Variants in TYW1B observed in about 807,000 individuals in gnomAD.
TYW1B encodes tRNA-yW synthesizing protein 1 homolog B.
TYW1B carries 73 observed loss-of-function variants against 86.9 expected under a neutral mutation model. That is an observed-to-expected ratio of 0.84 (90% confidence interval 0.70 to 1.02). The LOEUF (loss-of-function observed/expected upper bound fraction) is 1.02. Ranked by LOEUF, TYW1B falls within the 50% of genes least tolerant of loss-of-function variation. The pLI is 0.00. For missense variants in TYW1B, 637 were observed against 827.4 expected (o/e 0.77, Z 2.82); for synonymous variants, 248 against 292.8 (o/e 0.85, Z 1.56).
At chr7:72,583,305 G>A (rs368237064) in intron 13 of TYW1B, among the ~76,000 whole-genome samples, 16 of 152,114 alleles carry the variant, frequency 1.1e-4, no homozygotes, top group African/African-American at 3.1e-4. Flanking sequence ...AGCCGAGATC[G>A]TGCCACTGCA....
intron 8 of TYW1B, among the ~76,000 whole-genome samples, chr7:72,742,274 C>T (rs1554462611): frequency 6.6e-6 from 1 of 152,128 alleles, no homozygotes; most frequent in East Asian, 1.9e-4. Flanking sequence ...GGACCTCAGA[C>T]ATGCACCACC....
chr7:72,809,152 C>T (rs1280757668), intron 4 of TYW1B, among the ~76,000 whole-genome samples: 1 of 151,158 alleles, frequency 6.6e-6, no homozygotes, highest in Admixed American at 6.6e-5. Flanking sequence ...ACGCCATTCT[C>T]CTGCCTCAGC....
intron 11 of TYW1B, among the ~76,000 whole-genome samples, chr7:72,667,887 A>T (rs35847426): frequency 6.6e-6 from 1 of 152,254 alleles, no homozygotes; most frequent in Non-Finnish European, 1.5e-5. Flanking sequence ...CCTTGTGGCT[A>T]GCCAGATCTT....
chr7:72,614,793 A>C (rs1554436546), intron 13 of TYW1B, among the ~76,000 whole-genome samples: 1 of 152,222 alleles, frequency 6.6e-6, no homozygotes, highest in African/African-American at 2.4e-5. Context: ...GCAATAACTG[A>C]ATCATGCTAT....
intron 5 of TYW1B, among the ~76,000 whole-genome samples, chr7:72,806,742 C>T (rs1307506474): frequency 6.6e-6 from 1 of 151,998 alleles, no homozygotes; most frequent in Non-Finnish European, 1.5e-5. Context: ...TCTCAAATTC[C>T]TGGGCTCAAG....
intron 8 of TYW1B, among the ~76,000 whole-genome samples, chr7:72,733,388 G>A (rs545221646): frequency 9.2e-5 from 14 of 152,296 alleles, no homozygotes; most frequent in African/African-American, 2.2e-4. Flanking sequence ...GGCCGGGCGC[G>A]GTGGCTCACG....
chr7:72,631,400 GCTA>G (rs1205014909), intron 11 of TYW1B, among the ~76,000 whole-genome samples: 22 of 152,088 alleles, frequency 1.4e-4, no homozygotes, highest in Non-Finnish European at 1.5e-4. Flanking sequence ...TGTAATCCAA[GCTA>G]CTTGGGAAGC....
intron 6 of TYW1B, among the ~76,000 whole-genome samples, chr7:72,793,327 ACTCCAT>A (rs1365440464): frequency 6.6e-6 from 1 of 151,832 alleles, no homozygotes; most frequent in African/African-American, 2.4e-5. Flanking sequence ...ACAGAGCAAG[ACTCCAT>A]CTCAAAAAAA....
chr7:72,661,703 T>A (rs1813333698), intron 11 of TYW1B, among the ~76,000 whole-genome samples: 2 of 151,940 alleles, frequency 1.3e-5, no homozygotes, highest in South Asian at 2.1e-4. Flanking sequence ...TTTAAAGAGC[T>A]TAATTCTTCA....
At chr7:72,806,775 T>C (rs530375634) in intron 5 of TYW1B, among the ~76,000 whole-genome samples, 1 of 152,076 alleles carries the variant, frequency 6.6e-6, no homozygotes, top group African/African-American at 2.4e-5. Flanking sequence ...CTCCACCTCC[T>C]ACGTAGCTGA....
At chr7:72,743,856 A>G (rs1273165048) in intron 8 of TYW1B, among the ~76,000 whole-genome samples, 6 of 151,736 alleles carry the variant, frequency 4.0e-5, no homozygotes, top group African/African-American at 2.4e-5. Flanking sequence ...AAAAAAAAAA[A>G]AAAGAAAGAA....
intron 11 of TYW1B, among the ~76,000 whole-genome samples, chr7:72,689,938 T>G (rs1411871490): frequency 6.6e-6 from 1 of 152,210 alleles, no homozygotes; most frequent in African/African-American, 2.4e-5. Context: ...ATTGGTTTAT[T>G]TAAATATTAG....
At chr7:72,749,920 T>G (rs1787470559) in intron 7 of TYW1B, among the ~76,000 whole-genome samples, 1 of 149,298 alleles carries the variant, frequency 6.7e-6, no homozygotes, top group East Asian at 1.9e-4. Context: ...TTGTTTTTTT[T>G]TTTTTTTTGA....
chr7:72,611,683 C>T (rs1811936906), intron 13 of TYW1B, among the ~76,000 whole-genome samples: 2 of 152,152 alleles, frequency 1.3e-5, no homozygotes, highest in African/African-American at 4.8e-5. Context: ...CCATTGTTTA[C>T]TCATCTTTGT....
At chr7:72,662,715 C>T (rs1342166628) in intron 11 of TYW1B, among the ~76,000 whole-genome samples, 12 of 152,158 alleles carry the variant, frequency 7.9e-5, no homozygotes, top group African/African-American at 2.9e-4. Context: ...TATGAAGGAA[C>T]TAATGGCATA....
At chr7:72,791,267 G>C (rs557227512) in intron 6 of TYW1B, among the ~76,000 whole-genome samples, 1 of 152,032 alleles carries the variant, frequency 6.6e-6, no homozygotes, top group South Asian at 2.1e-4. Context: ...GGGGAGGGAG[G>C]GGGAGTTGGA....
rs1563029714 is a variant in TYW1B, at chr7:72,612,217, G to C, written c.1785+4455C>G. On this transcript the variant is annotated intron_variant, in intron 13 of 13. Transcript: ENST00000620995. ...TTTAATTAGAGAGAACGAAGAGACAGAGAGAGAGGAACAGGGAGTCTAGAA... is the reference window on the plus strand; with the variant it reads ...TTTAATTAGAGAGAACGAAGAGACACAGAGAGAGGAACAGGGAGTCTAGAA... Among the ~76,000 whole-genome samples, 8 of 152,242 alleles carry C rather than the reference G, an allele frequency of 5.3e-5. No homozygotes were observed. The South Asian group carries it at 1.7e-3, about 32-fold the overall frequency.
chr7:72,738,808 C>T lies in TYW1B; in HGVS notation c.1082+5676G>A, dbSNP rs549267330. On this transcript the variant is annotated intron_variant, in intron 8 of 13. Coordinates refer to ENST00000620995, the MANE Select transcript of TYW1B (RefSeq NM_001145440.3). ...TAAAAGAATATGGTATAGTAGCCCA[C>T]GCCTATAATCTCAGCACTTTGGGAG... Among the ~76,000 whole-genome samples the T allele has an allele frequency of 3.2e-4, 48 of 152,180 alleles. 1 individual carries two copies. In the South Asian group the frequency reaches 9.8e-3, roughly 31 times the overall value.
At chr7:72,659,376 C>A (rs1466421324) in intron 11 of TYW1B, among the ~76,000 whole-genome samples, 2 of 152,110 alleles carry the variant, frequency 1.3e-5, no homozygotes, top group Non-Finnish European at 2.9e-5. Context: ...GTCAGGAGTT[C>A]AAGACCAAAC....
Sources: allele counts gnomAD v4.1 joint callset (sites outside exome capture counted in the v4.1 genomes callset), GRCh38; gene constraint gnomAD v4.1.1; transcripts MANE v1.5; gene names NCBI Gene and HGNC (gene_info 2026-07-23, HGNC 2026-07-21).